Variants in FHOD3 observed in about 807,000 individuals in gnomAD.
FHOD3 encodes formin homology 2 domain containing 3.
FHOD3 carries 90 observed loss-of-function variants against 173.0 expected under a neutral mutation model. That is an observed-to-expected ratio of 0.52 (90% CI 0.44 to 0.62). The LOEUF is 0.62. FHOD3 is among the 20% of genes least tolerant of loss of function. FHOD3 has a pLI of 0.00. For missense variants in FHOD3, 1,945 were observed against 2,034.7 expected, an observed-to-expected ratio of 0.96 and a Z score of 0.85; for synonymous variants, 828 against 823.0, an observed-to-expected ratio of 1.01 and a Z score of -0.10.
chr18:36,549,938 A>C (rs938679434), intron 5 of FHOD3, among the ~76,000 whole-genome samples: 3 of 151,484 alleles, frequency 2.0e-5, no homozygotes, highest in Non-Finnish European at 4.4e-5. Context: ...TTAGGTTTTA[A>C]ATTTATAACT....
In FHOD3 at chr18:36,652,562, C is replaced by T; in HGVS notation, c.1287-8C>T. ...TCTTCTTCCTCCTCCTCCCTGCTGG[C>T]CCAACAGCAAGGTCGGCGCTGCCTC... On this transcript the variant is annotated splice_polypyrimidine_tract_variant and splice_region_variant and intron_variant, in intron 11 of 28. Transcript: ENST00000590592. The T allele has an allele frequency of 6.6e-7, 1 of 1,521,332 alleles. No homozygotes were observed. The highest frequency in any genetic ancestry group is 8.8e-7 in the Non-Finnish European group (1 of 1,137,048). The allele number at this position is 1,521,332 out of a possible 1,614,324, so 94.2% of individuals were successfully genotyped here.
chr18:36,388,813 C>T (rs1026673332), intron 3 of FHOD3, among the ~76,000 whole-genome samples: 1 of 152,202 alleles, frequency 6.6e-6, no homozygotes, highest in Non-Finnish European at 1.5e-5. Flanking sequence ...TCTAAAGTTT[C>T]TGTTAAGTTC....
chr18:36,565,894 CATACAT>C (rs1322937861), intron 5 of FHOD3, among the ~76,000 whole-genome samples: 2 of 152,100 alleles, frequency 1.3e-5, no homozygotes, highest in East Asian at 3.8e-4. Context: ...AGCCTTGTCT[CATACAT>C]AAAAAGGGCT....
rs948232756 is a variant in FHOD3 at position 36,639,504 on chromosome 18, A to C, written c.1197-9812A>C. Among the ~76,000 whole-genome samples, 3 of 152,164 alleles carry C rather than the reference A, an allele frequency of 2.0e-5. No homozygotes were observed. In the East Asian group the frequency reaches 5.8e-4, roughly 29 times the overall value. On this transcript the variant is annotated intron_variant, in intron 10 of 28. Transcript: ENST00000590592. ...TGAAACCCCGTCTCTACTAAAAAAT[A>C]CAAAAAAAATTAGCCGGGCGTGGTG...
intron 23 of FHOD3, among the ~76,000 whole-genome samples, chr18:36,745,864 C>A (rs59628701): frequency 2.0e-5 from 3 of 150,832 alleles, no homozygotes; most frequent in African/African-American, 7.3e-5. Context: ...CCACGCACCT[C>A]GTGCTCAACC....
intron 5 of FHOD3, among the ~76,000 whole-genome samples, chr18:36,520,224 G>C (rs994796271): frequency 3.3e-5 from 5 of 152,132 alleles, no homozygotes; most frequent in Admixed American, 2.0e-4. Context: ...TTCCCAAAGT[G>C]CTAGGCTTAC....
At chr18:36,744,615 C>T (rs575157105) in intron 23 of FHOD3, among the ~76,000 whole-genome samples, 1 of 152,348 alleles carries the variant, frequency 6.6e-6, no homozygotes, top group East Asian at 1.9e-4. Context: ...AAAACAGGGC[C>T]CTCCCGGCTC....
At chr18:36,517,356 C>T (rs920888318) in intron 5 of FHOD3, among the ~76,000 whole-genome samples, 1 of 152,134 alleles carries the variant, frequency 6.6e-6, no homozygotes, top group Non-Finnish European at 1.5e-5. Context: ...ATGTCAGGCC[C>T]TGGGGTTGTG....
intron 3 of FHOD3, among the ~76,000 whole-genome samples, chr18:36,477,586 CCTACCTACCTACCTATCTACCTAT>C (rs1257833102): frequency 1.8e-4 from 25 of 137,354 alleles, no homozygotes; most frequent in African/African-American, 6.1e-4. Flanking sequence ...TACCTACCTA[CCTACCTACCTACCTATCTACCTAT>C]CTATCTATAT....
chr18:36,313,752 G>A (rs2092306840), intron 1 of FHOD3, among the ~76,000 whole-genome samples: 1 of 152,138 alleles, frequency 6.6e-6, no homozygotes, highest in Non-Finnish European at 1.5e-5. Context: ...GAGATTTTGT[G>A]TGAACCTAAG....
chr18:36,301,124 A>G (rs1437451818), intron 1 of FHOD3, among the ~76,000 whole-genome samples: 1 of 152,164 alleles, frequency 6.6e-6, no homozygotes, highest in Admixed American at 6.5e-5. Context: ...ATCTTCTTAA[A>G]GTAAATGTAC....
chr18:36,570,783 G>A (rs2058424587), intron 5 of FHOD3, among the ~76,000 whole-genome samples: 2 of 152,092 alleles, frequency 1.3e-5, no homozygotes, highest in Non-Finnish European at 2.9e-5. Flanking sequence ...CATATCAGTT[G>A]ATGTAGAAGA....
At chr18:36,684,797 G>GT (rs928787574) in intron 15 of FHOD3, among the ~76,000 whole-genome samples, 16 of 151,972 alleles carry the variant, frequency 1.1e-4, no homozygotes, top group South Asian at 2.1e-4. Flanking sequence ...GAGTGCATTG[G>GT]TTTTTTTTGT....
At chr18:36,668,299 A>T (rs1265271095) in intron 14 of FHOD3, among the ~76,000 whole-genome samples, 1 of 152,128 alleles carries the variant, frequency 6.6e-6, no homozygotes, top group African/African-American at 2.4e-5. Context: ...TGTCAAAGTT[A>T]TTGGAATGTA....
chr18:36,719,022 G>T (rs892956850), intron 19 of FHOD3, among the ~76,000 whole-genome samples: 4 of 152,210 alleles, frequency 2.6e-5, no homozygotes, highest in African/African-American at 9.6e-5. Context: ...TAGCCCAATA[G>T]CAGATATTGA....
chr18:36,737,588 A>G (rs2041701309), intron 20 of FHOD3, among the ~76,000 whole-genome samples: 1 of 152,160 alleles, frequency 6.6e-6, no homozygotes. Context: ...GTGAAGGGAA[A>G]GTTGGGAAGG....
chr18:36,478,966 A>G (rs2053736908), intron 3 of FHOD3, among the ~76,000 whole-genome samples: 2 of 152,198 alleles, frequency 1.3e-5, no homozygotes, highest in Non-Finnish European at 2.9e-5. Flanking sequence ...TTCTAAATAT[A>G]CCTTATACAA....
Position 36,658,208 on chromosome 18 carries a change from T to C in FHOD3, c.1835+20T>C. On this transcript the variant is annotated intron_variant, in intron 14 of 28. Transcript: ENST00000590592. ...GGAAAGGTGAGTTCGACAAGCACGC[T>C]GATAGCTTCACAGTCCTCAAGTGAG... 1 of 1,524,214 alleles carries C rather than the reference T, an allele frequency of 6.6e-7. No individual in the cohort carries two copies. Among genetic ancestry groups the C allele is most frequent in the Non-Finnish European group, 8.9e-7 (1 of 1,118,374 alleles). 94.4% of individuals were successfully genotyped at this position (1,524,214 alleles called of 1,614,324 possible). A position where few individuals can be genotyped will look rare whatever the true frequency, so the allele number is the denominator to read the frequency against.
At chr18:36,710,350 C>G (rs1020168114) in intron 18 of FHOD3, 2 of 152,220 alleles carry the variant, frequency 1.3e-5, no homozygotes, top group African/African-American at 2.4e-5. Flanking sequence ...GTGGCACCCA[C>G]TCGAGTCGAT....
Sources: gnomAD v4.1 joint callset for allele counts (sites outside exome capture counted in the v4.1 genomes callset) on GRCh38, gnomAD v4.1.1 for gene constraint, MANE v1.5 for transcripts, NCBI Gene and HGNC (gene_info 2026-07-23, HGNC 2026-07-21) for gene names.